MARCHF5: variants seen among roughly 807,000 people sequenced by gnomAD.
MARCHF5 encodes E3 ubiquitin-protein ligase MARCHF5.
MARCHF5 carries 5 observed loss-of-function variants against 36.5 expected under a neutral mutation model. The observed-to-expected ratio is 0.14, with a 90% CI of 0.07 to 0.29. The LOEUF is 0.29. Ranked by LOEUF, MARCHF5 falls within the 10% of genes least tolerant of loss-of-function variation. The probability of loss-of-function intolerance (pLI) is 1.00; values close to 1 mark genes in which losing one functional copy is unlikely to be tolerated. For synonymous variants in MARCHF5, 103 were observed against 109.9 expected, an observed-to-expected ratio of 0.94 and a Z score of 0.39; for missense variants, 179 against 336.3, an observed-to-expected ratio of 0.53 and a Z score of 3.66.
intron 3 of MARCHF5, among the ~76,000 whole-genome samples, chr10:92,349,079 G>T (rs1390129482): frequency 6.6e-6 from 1 of 152,052 alleles, no homozygotes; most frequent in African/African-American, 2.4e-5. Flanking sequence ...AGAGGTCCCC[G>T]CCCCTCTATT....
In MARCHF5 at chr10:92,351,408, G is replaced by C. The variant is rs1843712252; in HGVS notation, c.*201G>C. ...AGGATGTGATTTGTTTTCATTGTTT[G>C]TATGTACTACTTTTATGGCAGTCAT... On this transcript the variant is annotated 3_prime_UTR_variant, in exon 6 of 6. Coordinates refer to ENST00000358935, the MANE Select transcript of MARCHF5 (RefSeq NM_017824.5). 1 of 421,428 alleles carries C rather than the reference G, an allele frequency of 2.4e-6. No individual in the cohort carries two copies. The highest frequency in any genetic ancestry group is 4.2e-6 in the Non-Finnish European group (1 of 239,398). The allele number at this position is 421,428 out of a possible 1,614,324, so 26.1% of individuals were successfully genotyped here.
At chr10:92,304,543 C>T (rs1343456231) in intron 1 of MARCHF5, among the ~76,000 whole-genome samples, 1 of 152,096 alleles carries the variant, frequency 6.6e-6, no homozygotes, top group Non-Finnish European at 1.5e-5. Context: ...TGAACTTTAA[C>T]ACATTAAAAT....
intron 1 of MARCHF5, among the ~76,000 whole-genome samples, chr10:92,301,833 C>T (rs560340618): frequency 1.3e-5 from 2 of 152,060 alleles, no homozygotes; most frequent in Non-Finnish European, 2.9e-5. Flanking sequence ...CTGAGGCAGG[C>T]GGATCATCTG....
intron 5 of MARCHF5, 45 bp from the exon 6 acceptor site, chr10:92,351,046 C>A: frequency 9.6e-7 from 1 of 1,046,342 alleles, no homozygotes. Context: ...TACTCTGTTT[C>A]TCTAAATCTG....
At chr10:92,301,103 C>T (rs1843006734) in intron 1 of MARCHF5, among the ~76,000 whole-genome samples, 1 of 151,872 alleles carries the variant, frequency 6.6e-6, no homozygotes, top group South Asian at 2.1e-4. Context: ...GCCAGGCTGG[C>T]CTTGAACTCC....
intron 2 of MARCHF5, among the ~76,000 whole-genome samples, chr10:92,339,948 T>G (rs1015762109): frequency 6.6e-6 from 1 of 152,052 alleles, no homozygotes; most frequent in African/African-American, 2.4e-5. Flanking sequence ...AAAAAGAAAT[T>G]TGTTAGAGAA....
Position 92,291,418 on chromosome 10 carries a change from C to A in MARCHF5, c.-77C>A. On this transcript the variant is annotated 5_prime_UTR_variant, in exon 1 of 6. Coordinates refer to ENST00000358935, the MANE Select transcript of MARCHF5 (RefSeq NM_017824.5). ...GCCGGACTGCGGCCTACTCCGCCGC[C>A]TCTCAGTGCTATTGTCCCTGGGCCT... The A allele has an allele frequency of 7.7e-7, 1 of 1,302,372 alleles. No homozygotes were observed. The highest frequency in any genetic ancestry group is 2.2e-4 in the Middle Eastern group (1 of 4,626). 80.7% of individuals were successfully genotyped at this position (1,302,372 alleles called of 1,614,324 possible).
intron 2 of MARCHF5, among the ~76,000 whole-genome samples, chr10:92,314,260 G>A (rs2135188958): frequency 6.6e-6 from 1 of 152,148 alleles, no homozygotes; most frequent in African/African-American, 2.4e-5. Context: ...TGTTCAAGCT[G>A]GTCACTATAC....
chr10:92,311,531 A>C (rs1033408494), intron 2 of MARCHF5, among the ~76,000 whole-genome samples, 194 bp downstream of exon 2: 2 of 152,064 alleles, frequency 1.3e-5, no homozygotes, highest in African/African-American at 4.8e-5. Flanking sequence ...ATATCCCCAA[A>C]TTTATCCATT....
chr10:92,324,804 T>C (rs1843335198), intron 2 of MARCHF5, among the ~76,000 whole-genome samples: 1 of 152,318 alleles, frequency 6.6e-6, no homozygotes, highest in African/African-American at 2.4e-5. Flanking sequence ...TTCCCAGATG[T>C]CCTTCTGTTA....
intron 2 of MARCHF5, among the ~76,000 whole-genome samples, chr10:92,325,441 G>A (rs1001336456): frequency 1.4e-4 from 21 of 152,050 alleles, no homozygotes; most frequent in African/African-American, 4.6e-4. Flanking sequence ...TTATTTTGGC[G>A]CTCTGTTAAG....
chr10:92,337,678 G>A (rs904055938), intron 2 of MARCHF5, among the ~76,000 whole-genome samples: 10 of 151,914 alleles, frequency 6.6e-5, no homozygotes, highest in African/African-American at 2.4e-4. Flanking sequence ...TTTGTTTGAT[G>A]AGGATCCAGT....
chr10:92,291,577 G>A, intron 1 of MARCHF5, 48 bp downstream of exon 1: 1 of 1,489,922 alleles, frequency 6.7e-7, no homozygotes, highest in African/African-American at 1.4e-5. Context: ...CCTCGCTCTG[G>A]CCCTGCCCGC....
intron 2 of MARCHF5, among the ~76,000 whole-genome samples, chr10:92,338,649 T>G (rs1843534873): frequency 6.6e-6 from 1 of 152,232 alleles, no homozygotes; most frequent in Non-Finnish European, 1.5e-5. Context: ...TACTTTACAA[T>G]GTATAGTCTG....
chr10:92,307,234 C>G (rs975540396), intron 1 of MARCHF5, among the ~76,000 whole-genome samples: 3 of 150,870 alleles, frequency 2.0e-5, no homozygotes, highest in African/African-American at 7.4e-5. Context: ...CACGCACGTG[C>G]CCTCCCCTCC....
intron 3 of MARCHF5, among the ~76,000 whole-genome samples, chr10:92,344,614 A>G (rs532903184): frequency 6.6e-6 from 1 of 152,312 alleles, no homozygotes; most frequent in African/African-American, 2.4e-5. Context: ...CCTCTACACC[A>G]TCAGTAGTAT....
intron 1 of MARCHF5, among the ~76,000 whole-genome samples, chr10:92,297,639 G>A (rs1249094360): frequency 6.6e-6 from 1 of 151,320 alleles, no homozygotes; most frequent in Admixed American, 6.6e-5. Context: ...CTACAAGCAC[G>A]TGCCACCACA....
chr10:92,325,859 A>T (rs974704422), intron 2 of MARCHF5, among the ~76,000 whole-genome samples: 1 of 152,008 alleles, frequency 6.6e-6, no homozygotes, highest in Admixed American at 6.6e-5. Context: ...TTGTATTTTG[A>T]ATAGAGATGA....
intron 3 of MARCHF5, among the ~76,000 whole-genome samples, chr10:92,341,640 A>G (rs1843579178): frequency 6.6e-6 from 1 of 152,136 alleles, no homozygotes; most frequent in Non-Finnish European, 1.5e-5. Context: ...TCTCAAATCC[A>G]GTGCTGCAAT....
Sources: gnomAD v4.1 joint callset for allele counts (sites outside exome capture counted in the v4.1 genomes callset) on GRCh38, gnomAD v4.1.1 for gene constraint, MANE v1.5 for transcripts, NCBI Gene and HGNC (gene_info 2026-07-23, HGNC 2026-07-21) for gene names.